Variants in DPP6 observed in about 807,000 individuals in gnomAD.
DPP6 encodes the protein dipeptidyl peptidase like 6, also known as A-type potassium channel modulatory protein DPP6.
In DPP6, 69 loss-of-function variants were observed where a neutral mutation model predicts 122.6. The ratio of observed to expected loss-of-function variants is 0.56; its 90% confidence interval spans 0.46 to 0.69. DPP6 has a LOEUF of 0.69. DPP6 is among the 30% of genes least tolerant of loss of function. The pLI, the probability that DPP6 is intolerant of heterozygous loss-of-function variation, is 0.00. For missense variants in DPP6, 928 were observed against 1,116.9 expected, an observed-to-expected ratio of 0.83 and a Z score of 2.41; for synonymous variants, 418 against 433.1, an observed-to-expected ratio of 0.97 and a Z score of 0.43.
At chr7:154,441,746 T>C (rs900873356) in intron 1 of DPP6, among the ~76,000 whole-genome samples, 16 of 152,308 alleles carry the variant, frequency 1.1e-4, no homozygotes, top group African/African-American at 3.8e-4. Context: ...AATCAGTTCA[T>C]AGACATTGTG....
At chr7:154,253,256 G>A (rs1802462787) in intron 1 of DPP6, among the ~76,000 whole-genome samples, 1 of 152,200 alleles carries the variant, frequency 6.6e-6, no homozygotes, top group African/African-American at 2.4e-5. Flanking sequence ...GGTTGTTGGT[G>A]AGTGGGACAT....
At chr7:154,257,916 C>T (rs1802758456) in intron 1 of DPP6, among the ~76,000 whole-genome samples, 1 of 152,184 alleles carries the variant, frequency 6.6e-6, no homozygotes. Flanking sequence ...TTGGCATCAG[C>T]CAGATCCATT....
At position 154,063,347 on chromosome 7, in the gene DPP6, A is replaced by C. The variant is rs1209254973; in HGVS notation, c.243+10284A>C. On this transcript the variant is annotated intron_variant, in intron 1 of 25. Transcript: ENST00000377770. The stretch of plus-strand genomic sequence containing the variant: ...CCTCTTCTCCCTCTGGCTCTTAGGA[A>C]CCCCATTGCAGGAGGGTGTGGCACC... 6.7e-4 allele frequency among the ~76,000 whole-genome samples: 68 copies of C among 101,870 alleles called. 4 individuals are homozygous for C. In the East Asian group the frequency reaches 0.011, roughly 16 times the overall value. 66.8% of individuals were successfully genotyped at this position (101,870 alleles called of 152,430 possible).
intron 6 of DPP6, among the ~76,000 whole-genome samples, chr7:154,659,145 A>G (rs2131033519): frequency 6.6e-6 from 1 of 152,366 alleles, no homozygotes; most frequent in Middle Eastern, 3.4e-3. Context: ...CAATGCAAAA[A>G]TATAGGTTCC....
chr7:154,388,983 C>G (rs1006969210), intron 1 of DPP6, among the ~76,000 whole-genome samples: 11 of 152,058 alleles, frequency 7.2e-5, no homozygotes, highest in African/African-American at 2.2e-4. Context: ...CATTTCAGTC[C>G]CCTGAGCGTT....
intron 16 of DPP6, 75 bp from the exon 17 acceptor site, chr7:154,853,705 G>A (rs1584898829): frequency 5.8e-6 from 9 of 1,539,892 alleles, no homozygotes; most frequent in East Asian, 4.9e-5. Flanking sequence ...CATAAGAAAA[G>A]CCTGTTTTCT....
At chr7:154,505,056 T>C (rs1825566472) in intron 3 of DPP6, among the ~76,000 whole-genome samples, 1 of 152,160 alleles carries the variant, frequency 6.6e-6, no homozygotes, top group Non-Finnish European at 1.5e-5. Flanking sequence ...ACCTGGAATG[T>C]ATGATTTACA....
the DPP6 span, among the ~76,000 whole-genome samples, chr7:153,810,089 G>C: frequency 6.6e-6 from 1 of 152,234 alleles, no homozygotes; most frequent in African/African-American, 2.4e-5. Context: ...TGCAGTTTTA[G>C]GCAAAGTTCA....
intron 1 of DPP6, among the ~76,000 whole-genome samples, chr7:154,187,796 A>G (rs1032970351): frequency 2.6e-5 from 4 of 151,688 alleles, no homozygotes; most frequent in Non-Finnish European, 4.4e-5. Flanking sequence ...AATCAGCATG[A>G]TTCTGCATGT....
intron 1 of DPP6, among the ~76,000 whole-genome samples, chr7:154,192,769 C>T (rs1330005241): frequency 6.6e-6 from 1 of 152,158 alleles, no homozygotes; most frequent in Admixed American, 6.5e-5. Flanking sequence ...TATAGAATCT[C>T]GTGCAAACAG....
At chr7:154,710,206 G>A (rs901620525) in intron 7 of DPP6, among the ~76,000 whole-genome samples, 1 of 152,228 alleles carries the variant, frequency 6.6e-6, no homozygotes, top group Non-Finnish European at 1.5e-5. Context: ...GGAGCCAGGG[G>A]CATGGCTTCA....
At chr7:154,794,288 C>T in intron 11 of DPP6, 86 bp downstream of exon 11, 4 of 1,450,528 alleles carry the variant, frequency 2.8e-6, no homozygotes, top group Non-Finnish European at 3.7e-6. Context: ...TCGTCTCAGC[C>T]CTCGGGCCTG....
intron 10 of DPP6, among the ~76,000 whole-genome samples, chr7:154,783,613 C>T (rs138917204): frequency 3.5e-3 from 538 of 152,302 alleles, no homozygotes; most frequent in African/African-American, 0.012. Flanking sequence ...CTTCTGTTGA[C>T]GTTGAGTGTT....
At chr7:154,528,520 C>T (rs534518525) in intron 3 of DPP6, among the ~76,000 whole-genome samples, 39 of 152,114 alleles carry the variant, frequency 2.6e-4, no homozygotes, top group Non-Finnish European at 5.3e-4. Flanking sequence ...TATTTGGTGA[C>T]TTAGACTTAT....
chr7:154,536,285 A>G (rs920913393), intron 3 of DPP6, among the ~76,000 whole-genome samples: 1 of 152,204 alleles, frequency 6.6e-6, no homozygotes, highest in African/African-American at 2.4e-5. Context: ...ACCTGGGTCT[A>G]TTGATGGAAT....
chr7:154,600,184 G>T (rs1008894542), intron 5 of DPP6, among the ~76,000 whole-genome samples: 5 of 151,042 alleles, frequency 3.3e-5, no homozygotes, highest in Admixed American at 6.6e-5. Context: ...CTGGAGTACA[G>T]TGGCACAATC....
intron 1 of DPP6, among the ~76,000 whole-genome samples, chr7:154,163,252 T>C (rs1323428783): frequency 6.6e-6 from 1 of 152,100 alleles, no homozygotes; most frequent in Non-Finnish European, 1.5e-5. Context: ...ATTTATGCGT[T>C]GCTAGTGTTG....
intron 8 of DPP6, among the ~76,000 whole-genome samples, chr7:154,732,156 A>G (rs893954428): frequency 1.3e-5 from 2 of 151,746 alleles, no homozygotes; most frequent in African/African-American, 4.8e-5. Context: ...CTCCTGCCTC[A>G]GCCTCCTGAG....
At chr7:154,839,482 T>G (rs1198787284) in intron 16 of DPP6, among the ~76,000 whole-genome samples, 1 of 152,246 alleles carries the variant, frequency 6.6e-6, no homozygotes, top group Non-Finnish European at 1.5e-5. Context: ...TTTATTCCTC[T>G]GTGAAATGGG....
Sources: allele counts gnomAD v4.1 joint callset (sites outside exome capture counted in the v4.1 genomes callset), GRCh38; gene constraint gnomAD v4.1.1; transcripts MANE v1.5; gene names NCBI Gene and HGNC (gene_info 2026-07-23, HGNC 2026-07-21).